The following ULK4 variants were observed in gnomAD, a reference collection of about 807,000 sequenced individuals.
ULK4 encodes the protein inactive serine/threonine-protein kinase ULK4.
In ULK4, 133 loss-of-function variants were observed where a neutral mutation model predicts 160.6. The ratio of observed to expected loss-of-function variants is 0.83; its 90% CI spans 0.72 to 0.96. The LOEUF (loss-of-function observed/expected upper bound fraction) is 0.96, where lower values mean the gene tolerates loss of function less well. Ranked by LOEUF, ULK4 falls within the 40% of genes least tolerant of loss-of-function variation. The pLI, the probability that ULK4 is intolerant of heterozygous loss-of-function variation, is 0.00. For missense variants in ULK4, 1,580 were observed against 1,499.5 expected (o/e 1.05, Z -0.89); for synonymous variants, 534 against 539.8 (o/e 0.99, Z 0.15).
chr3:41,322,604 A>G (rs745899864), intron 35 of ULK4, among the ~76,000 whole-genome samples: 5 of 152,202 alleles, frequency 3.3e-5, no homozygotes, highest in Admixed American at 6.5e-5. Flanking sequence ...AAGAAGCTAC[A>G]TTTCTTCAAA....
chr3:41,292,474 G>A (rs184324513), intron 35 of ULK4, among the ~76,000 whole-genome samples: 3 of 152,210 alleles, frequency 2.0e-5, no homozygotes, highest in East Asian at 1.9e-4. Flanking sequence ...GCGAAACCCA[G>A]TCTCTACTAA....
At chr3:41,464,299 G>A (rs1429557661) in intron 32 of ULK4, among the ~76,000 whole-genome samples, 1 of 152,118 alleles carries the variant, frequency 6.6e-6, no homozygotes, top group African/African-American at 2.4e-5. Context: ...AACTAATTTT[G>A]TCACTAAAGG....
intron 22 of ULK4, among the ~76,000 whole-genome samples, chr3:41,726,459 CAT>C (rs537514466): frequency 6.6e-6 from 1 of 152,170 alleles, no homozygotes; most frequent in South Asian, 2.1e-4. Flanking sequence ...AACATTTGAG[CAT>C]AGTGTCCCAC....
intron 22 of ULK4, among the ~76,000 whole-genome samples, chr3:41,753,956 T>C (rs1199115232): frequency 6.6e-6 from 1 of 152,150 alleles, no homozygotes; most frequent in African/African-American, 2.4e-5. Context: ...AGTGCCAGCA[T>C]GGGAAATGCC....
chr3:41,728,826 G>GAT (rs34785089), intron 22 of ULK4, among the ~76,000 whole-genome samples: 531 of 151,898 alleles, frequency 3.5e-3, no homozygotes, highest in African/African-American at 0.012. Context: ...AAAATGAAAA[G>GAT]ATATATATAT....
intron 27 of ULK4, among the ~76,000 whole-genome samples, chr3:41,703,832 A>T (rs1318720601): frequency 9.5e-6 from 1 of 105,082 alleles, no homozygotes; most frequent in Non-Finnish European, 1.9e-5. Context: ...TTTAATGCGC[A>T]TGCACACACA....
At chr3:41,718,767 A>G (rs1289787715) in intron 22 of ULK4, among the ~76,000 whole-genome samples, 1 of 152,232 alleles carries the variant, frequency 6.6e-6, no homozygotes, top group Non-Finnish European at 1.5e-5. Context: ...TTGGAGTTTT[A>G]TACATAATAT....
chr3:41,677,780 A>G (rs1270250185), intron 29 of ULK4, among the ~76,000 whole-genome samples: 1 of 152,106 alleles, frequency 6.6e-6, no homozygotes, highest in Non-Finnish European at 1.5e-5. Context: ...AAGTTACTCA[A>G]TAAGTAGGGT....
chr3:41,938,287 G>T, intron 2 of ULK4, 90 bp from the exon 3 acceptor site: 1 of 932,146 alleles, frequency 1.1e-6, no homozygotes, highest in South Asian at 1.8e-5. Context: ...TTGGTAAATG[G>T]ATAAGAAAAT....
intron 35 of ULK4, among the ~76,000 whole-genome samples, chr3:41,254,898 GA>G (rs894750866): frequency 6.7e-6 from 1 of 148,602 alleles, no homozygotes; most frequent in Non-Finnish European, 1.5e-5. Context: ...AAAAAGAAAA[GA>G]AAAAAAAGAA....
intron 31 of ULK4, among the ~76,000 whole-genome samples, chr3:41,572,329 G>A (rs995509878): frequency 6.6e-6 from 1 of 152,158 alleles, no homozygotes; most frequent in Non-Finnish European, 1.5e-5. Flanking sequence ...GAAGCCCAGA[G>A]TAGGCGGGGG....
chr3:41,661,241 A>G (rs1013977790), intron 30 of ULK4, among the ~76,000 whole-genome samples: 8 of 152,306 alleles, frequency 5.3e-5, no homozygotes, highest in African/African-American at 1.9e-4. Context: ...TTTGGCAAAG[A>G]TATTGGCAAG....
At chr3:41,394,757 C>G (rs889382816) in intron 35 of ULK4, among the ~76,000 whole-genome samples, 3 of 152,086 alleles carry the variant, frequency 2.0e-5, no homozygotes, top group Admixed American at 2.0e-4. Flanking sequence ...AAGACCACAA[C>G]TGAGTTGACT....
chr3:41,595,639 G>T (rs1436751310), intron 31 of ULK4, among the ~76,000 whole-genome samples: 1 of 152,180 alleles, frequency 6.6e-6, no homozygotes, highest in Non-Finnish European at 1.5e-5. Flanking sequence ...ACTGGAGGGT[G>T]TAGTGCCACA....
chr3:41,445,100 T>A (rs1337559219), intron 34 of ULK4, among the ~76,000 whole-genome samples: 1 of 152,084 alleles, frequency 6.6e-6, no homozygotes, highest in South Asian at 2.1e-4. Context: ...GAGAGCCAAA[T>A]CAGGAGTGAA....
At chr3:41,465,462 G>C (rs1473185889) in intron 32 of ULK4, among the ~76,000 whole-genome samples, 1 of 152,090 alleles carries the variant, frequency 6.6e-6, no homozygotes, top group Non-Finnish European at 1.5e-5. Context: ...ATACTCAACT[G>C]TCTCAAAACT....
intron 35 of ULK4, among the ~76,000 whole-genome samples, chr3:41,291,361 A>G (rs1191220799): frequency 6.8e-6 from 1 of 147,962 alleles, no homozygotes; most frequent in South Asian, 2.2e-4. Context: ...AAAGAGAAAG[A>G]AAAAGTAAAG....
At chr3:41,899,599 AT>A (rs551848166) in intron 13 of ULK4, among the ~76,000 whole-genome samples, 36 of 151,458 alleles carry the variant, frequency 2.4e-4, no homozygotes, top group Non-Finnish European at 3.4e-4. Context: ...ACATTGTAAG[AT>A]TTTTTTTTGC....
At chr3:41,333,093 T>A (rs887633734) in intron 35 of ULK4, among the ~76,000 whole-genome samples, 10 of 152,220 alleles carry the variant, frequency 6.6e-5, no homozygotes. Flanking sequence ...GAAAGAATCT[T>A]TCTTGAAGGT....
Sources: allele counts gnomAD v4.1 joint callset (sites outside exome capture counted in the v4.1 genomes callset), GRCh38; gene constraint gnomAD v4.1.1; transcripts MANE v1.5; gene names NCBI Gene and HGNC (gene_info 2026-07-23, HGNC 2026-07-21).